The following GPC4 variants were observed in gnomAD, a reference collection of about 807,000 sequenced individuals.
GPC4 encodes glypican 4, also known as glypican-4.
In GPC4, 10 loss-of-function variants were observed where a neutral mutation model predicts 35.0. That is an observed-to-expected ratio of 0.29 (90% CI 0.18 to 0.48). The LOEUF (loss-of-function observed/expected upper bound fraction) is 0.48. Ranked by LOEUF, GPC4 falls within the 20% of genes least tolerant of loss-of-function variation. GPC4 has a pLI of 0.99. For synonymous variants in GPC4, 167 were observed against 170.2 expected, an observed-to-expected ratio of 0.98 and a Z score of 0.15; for missense variants, 322 against 451.3, an observed-to-expected ratio of 0.71 and a Z score of 2.60.
At chrX:133,404,999 C>T (rs2068781248) in intron 1 of GPC4, among the ~76,000 whole-genome samples, 1 of 110,860 alleles carries the variant, frequency 9.0e-6, no homozygotes, top group African/African-American at 3.3e-5. Context: ...CCTTGTTGAT[C>T]CAGCACTGTT....
intron 1 of GPC4, among the ~76,000 whole-genome samples, chrX:133,353,160 C>T (rs2068524208): frequency 9.0e-6 from 1 of 111,532 alleles, no homozygotes; most frequent in African/African-American, 3.3e-5. Flanking sequence ...GAGATAGATA[C>T]AAATGCTCCA....
chrX:133,343,526 C>T (rs2068475614), intron 1 of GPC4, among the ~76,000 whole-genome samples: 1 of 111,692 alleles, frequency 9.0e-6, no homozygotes, highest in Non-Finnish European at 1.9e-5. Flanking sequence ...GAATTCAATG[C>T]TTTATGGTTT....
chrX:133,344,423 C>T (rs1006077017), intron 1 of GPC4, among the ~76,000 whole-genome samples: 1 of 107,495 alleles, frequency 9.3e-6, no homozygotes, highest in African/African-American at 3.4e-5. Context: ...CGGGGTTTCT[C>T]CCTGTTGGTC....
At chrX:133,406,139 G>C (rs1373448845) in intron 1 of GPC4, among the ~76,000 whole-genome samples, 1 of 112,208 alleles carries the variant, frequency 8.9e-6, no homozygotes, top group Non-Finnish European at 1.9e-5. Flanking sequence ...TAAAGAAAAA[G>C]GGAAGAAATA....
At chrX:133,326,065 T>C (rs1191937667) in intron 2 of GPC4, among the ~76,000 whole-genome samples, 1 of 109,710 alleles carries the variant, frequency 9.1e-6, no homozygotes, top group South Asian at 4.0e-4. Flanking sequence ...TTTTATCTAG[T>C]TCTTTTCCCT....
chrX:133,335,489 A>G (rs1464719597), intron 2 of GPC4, among the ~76,000 whole-genome samples: 1 of 111,616 alleles, frequency 9.0e-6, no homozygotes, highest in Non-Finnish European at 1.9e-5. Context: ...ACACGAGTTT[A>G]TATCTTAAAA....
At chrX:133,391,984 G>A (rs2068721714) in intron 1 of GPC4, among the ~76,000 whole-genome samples, 1 of 111,332 alleles carries the variant, frequency 9.0e-6, no homozygotes, top group Non-Finnish European at 1.9e-5. Context: ...TGTAATCCCA[G>A]CACTTTGGGA....
At chrX:133,393,958 C>A (rs951035192) in intron 1 of GPC4, among the ~76,000 whole-genome samples, 1 of 111,391 alleles carries the variant, frequency 9.0e-6, no homozygotes, top group Non-Finnish European at 1.9e-5. Context: ...GTAATACATA[C>A]CACAATTTAA....
intron 1 of GPC4, among the ~76,000 whole-genome samples, chrX:133,367,905 G>T (rs1049600386): frequency 1.8e-5 from 2 of 111,297 alleles, no homozygotes; most frequent in African/African-American, 6.5e-5. Flanking sequence ...TGCTAGGACA[G>T]CAGGTGTAAA....
At chrX:133,325,712 C>T (rs5977855) in intron 2 of GPC4, among the ~76,000 whole-genome samples, 3,574 of 111,901 alleles carry the variant, frequency 0.032, 152 homozygotes, top group African/African-American at 0.11. Flanking sequence ...AAATATGACA[C>T]CTACTTCAAA....
chrX:133,356,051 AAATGGCGTAACAGTCAGGCACTTC>A (rs1176201826), intron 1 of GPC4, among the ~76,000 whole-genome samples: 6 of 111,477 alleles, frequency 5.4e-5, no homozygotes, highest in Non-Finnish European at 1.1e-4. Flanking sequence ...AGTGATGCAA[AAATGGCGTAACAGTCAGGCACTTC>A]AAGAACCAAG....
At chrX:133,347,251 T>TTG (rs374922143) in intron 1 of GPC4, among the ~76,000 whole-genome samples, 2,119 of 73,236 alleles carry the variant, frequency 0.029, 55 homozygotes, top group South Asian at 0.14. Context: ...ATTAGAAGTT[T>TTG]TTTTTTTTTT....
At chrX:133,349,377 T>C (rs1654294524) in intron 1 of GPC4, among the ~76,000 whole-genome samples, 1 of 112,538 alleles carries the variant, frequency 8.9e-6, no homozygotes, top group African/African-American at 3.2e-5. Flanking sequence ...ATTTTCCATA[T>C]TATTTCCAAA....
chrX:133,315,007 A>C (rs1301386115), intron 3 of GPC4, among the ~76,000 whole-genome samples: 2 of 111,000 alleles, frequency 1.8e-5, no homozygotes, highest in Non-Finnish European at 3.8e-5. Context: ...GGAGTCTTTA[A>C]GAGCCAAAAG....
At chrX:133,315,401 G>A (rs1198151475) in intron 3 of GPC4, among the ~76,000 whole-genome samples, 1 of 110,188 alleles carries the variant, frequency 9.1e-6, no homozygotes, top group Non-Finnish European at 1.9e-5. Context: ...CACTGCTGGG[G>A]GCTCTTTCAT....
chrX:133,370,669 G>A, intron 1 of GPC4, among the ~76,000 whole-genome samples: 1 of 110,773 alleles, frequency 9.0e-6, no homozygotes, highest in South Asian at 3.9e-4. Context: ...TATTCTCCTT[G>A]GATGTTCTTC....
chrX:133,340,400 T>A (rs1302199348), intron 1 of GPC4, among the ~76,000 whole-genome samples: 1 of 111,851 alleles, frequency 8.9e-6, no homozygotes, highest in East Asian at 2.8e-4. Flanking sequence ...TTTACAAGGA[T>A]TGACTCTCAC....
chrX:133,369,917 T>TA (rs34257154), intron 1 of GPC4, among the ~76,000 whole-genome samples: 4,032 of 109,047 alleles, frequency 0.037, 71 homozygotes, highest in Non-Finnish European at 0.048. Flanking sequence ...CTCAACTTGA[T>TA]AAAAAAAAAG....
chrX:133,310,975 C>T (rs1406223695), intron 4 of GPC4, among the ~76,000 whole-genome samples: 2 of 111,161 alleles, frequency 1.8e-5, no homozygotes, highest in Admixed American at 9.6e-5. Context: ...GCCTAGGTGA[C>T]AGAAAGAGAC....
Sources: gnomAD v4.1 joint callset for allele counts (sites outside exome capture counted in the v4.1 genomes callset) on GRCh38, gnomAD v4.1.1 for gene constraint, MANE v1.5 for transcripts, NCBI Gene and HGNC (gene_info 2026-07-23, HGNC 2026-07-21) for gene names.